NFATC1: variants seen among roughly 807,000 people sequenced by gnomAD.
The protein encoded by NFATC1 is nuclear factor of activated T-cells, cytoplasmic 1.
NFATC1 carries 22 observed loss-of-function variants against 76.0 expected under a neutral mutation model. The ratio of observed to expected loss-of-function variants is 0.29; its 90% CI spans 0.21 to 0.41. The LOEUF (loss-of-function observed/expected upper bound fraction) is 0.41. Among genes scored for constraint, NFATC1 ranks in the 10% least tolerant of loss-of-function variants. The probability of loss-of-function intolerance (pLI) is 1.00; values close to 1 mark genes in which losing one functional copy is unlikely to be tolerated. For synonymous variants in NFATC1, 704 were observed against 613.1 expected (o/e 1.15, Z -2.19); for missense variants, 1,357 against 1,337.7 (o/e 1.01, Z -0.23).
chr18:79,504,054 A>G (rs927148532), intron 9 of NFATC1, among the ~76,000 whole-genome samples: 2 of 152,186 alleles, frequency 1.3e-5, no homozygotes, highest in African/African-American at 2.4e-5. Flanking sequence ...TGGCTGGTTC[A>G]ATCTTCTGTC....
At chr18:79,457,845 C>T (rs773093572) in intron 6 of NFATC1, among the ~76,000 whole-genome samples, 13 of 152,278 alleles carry the variant, frequency 8.5e-5, no homozygotes, top group South Asian at 2.1e-4. Flanking sequence ...TTCTGTGGAG[C>T]GTGGCATCCT....
At chr18:79,406,887 G>A (rs748212280) in intron 1 of NFATC1, among the ~76,000 whole-genome samples, 18 of 152,112 alleles carry the variant, frequency 1.2e-4, no homozygotes, top group East Asian at 5.8e-4. Flanking sequence ...CGCTCCATGC[G>A]GGGCAGACGT....
At chr18:79,429,002 C>T (rs1343351511) in intron 2 of NFATC1, among the ~76,000 whole-genome samples, 4 of 152,192 alleles carry the variant, frequency 2.6e-5, no homozygotes, top group African/African-American at 2.4e-5. Flanking sequence ...GGGCGGATCA[C>T]CTGAGGTCAG....
rs569911768 is a variant in NFATC1 at position 79,524,725 on chromosome 18, A to G, written c.2783-2803A>G. Among the ~76,000 whole-genome samples, 174 of 152,028 alleles carry G rather than the reference A, an allele frequency of 1.1e-3. No individual in the cohort carries two copies. The highest frequency in any genetic ancestry group is 4.1e-3 in the African/African-American group (170 of 41,458). ...GCAAAGGAGGCTGTGGTGGCCCCCGACGGGAACCTGGGTGGCCGGGGGACA... is the reference window on the plus strand; with the variant it reads ...GCAAAGGAGGCTGTGGTGGCCCCCGGCGGGAACCTGGGTGGCCGGGGGACA... On this transcript the variant is annotated intron_variant, in intron 9 of 9. Transcript: ENST00000427363. This position sits in a 1 kb window ranked among gnomAD's most constrained non-coding sequence, Gnocchi z 7.2.
chr18:79,507,597 T>C (rs985638468), intron 9 of NFATC1, among the ~76,000 whole-genome samples: 1 of 152,206 alleles, frequency 6.6e-6, no homozygotes, highest in Non-Finnish European at 1.5e-5. Context: ...TCCCTGGCAG[T>C]GTCTCAGCAG....
chr18:79,486,599 G>T lies in NFATC1; in HGVS notation c.2444G>T (p.Gly815Val). 6.3e-7 allele frequency: 1 copy of T among 1,591,772 alleles called. No individual in the cohort carries two copies. ...RPVATHPGSP[G>V]QPPPALLPQQ... Reference sequence around the variant, plus strand: ...GTGGCCACGCACCCCGGCTCGCCCGGGCAGCCACCCCCGGCCCTGCTGCCA... The same window carrying T: ...GTGGCCACGCACCCCGGCTCGCCCGTGCAGCCACCCCCGGCCCTGCTGCCA... The change falls in exon 9 of 10, where the codon GGG (glycine) becomes GTG (valine). Residue 815 changes from glycine (G) to valine (V), a missense_variant. This residue lies in a region of NFATC1 where 424 missense variants were observed against 395.4 expected (regional missense o/e 1.07). Transcript: ENST00000427363.
chr18:79,478,556 G>A (rs568812768), intron 8 of NFATC1, among the ~76,000 whole-genome samples: 1 of 152,334 alleles, frequency 6.6e-6, no homozygotes, highest in South Asian at 2.1e-4. Context: ...TTACCGGGTA[G>A]GGATGGCAGC....
chr18:79,526,408 C>T (rs911342536), intron 9 of NFATC1, among the ~76,000 whole-genome samples: 9 of 152,254 alleles, frequency 5.9e-5, no homozygotes, highest in Admixed American at 2.0e-4. Flanking sequence ...GCAGGGCCTG[C>T]GGGGAGCCCA....
rs968103699 is a variant in NFATC1 at position 79,458,229 on chromosome 18, G to A, written c.1904-3082G>A. The stretch of plus-strand genomic sequence containing the variant: ...TGGGACAGACTCCTGGGGGAGAGCC[G>A]GGGATGGATGAGACGCCCCAGGGAC... On this transcript the variant is annotated intron_variant, in intron 6 of 9. Coordinates refer to ENST00000427363, the MANE Select transcript of NFATC1 (RefSeq NM_001278669.2). Among the ~76,000 whole-genome samples the A allele has an allele frequency of 1.8e-4, 27 of 151,836 alleles. No individual in the cohort carries two copies. The South Asian group carries it at 3.5e-3, about 20-fold the overall frequency.
intron 9 of NFATC1, among the ~76,000 whole-genome samples, chr18:79,522,623 C>T (rs533623371): frequency 2.0e-5 from 3 of 152,168 alleles, no homozygotes; most frequent in East Asian, 1.9e-4. Context: ...TAAACACCCC[C>T]GCCCCCAGCC....
At position 79,524,577 on chromosome 18, in the gene NFATC1, G is replaced by A. The variant is rs914692279; in HGVS notation, c.2783-2951G>A. Among the ~76,000 whole-genome samples the A allele has an allele frequency of 6.6e-6, 1 of 152,298 alleles. No homozygotes were observed. The highest frequency in any genetic ancestry group is 1.9e-4 in the East Asian group (1 of 5,182). On this transcript the variant is annotated intron_variant, in intron 9 of 9. Transcript: ENST00000427363. The surrounding 1 kb of genome is among the most constrained non-coding windows in gnomAD (Gnocchi z 7.2). ...GCGCTGGGACGGGGTCGGCCCACAC[G>A]CACCGCCAGCCCGCAGGAGTGAGGT...
intron 3 of NFATC1, among the ~76,000 whole-genome samples, chr18:79,446,443 G>A (rs1419168350): frequency 6.6e-6 from 1 of 151,746 alleles, no homozygotes; most frequent in African/African-American, 2.4e-5. Flanking sequence ...TTTTTTCTAT[G>A]TAAATTAAAT....
chr18:79,503,450 ATAT>A (rs751679008), intron 9 of NFATC1, among the ~76,000 whole-genome samples: 6 of 152,218 alleles, frequency 3.9e-5, no homozygotes, highest in East Asian at 3.8e-4. Context: ...GTGAGCAGTA[ATAT>A]TATTAAAGGG....
At chr18:79,520,917 T>A (rs1414093262) in intron 9 of NFATC1, among the ~76,000 whole-genome samples, 2 of 104,944 alleles carry the variant, frequency 1.9e-5, no homozygotes, top group Non-Finnish European at 3.7e-5. Context: ...GAGCATCCAC[T>A]GGTGTGTGTG....
intron 1 of NFATC1, among the ~76,000 whole-genome samples, chr18:79,406,607 G>A (rs2085446810): frequency 6.6e-6 from 1 of 152,250 alleles, no homozygotes; most frequent in African/African-American, 2.4e-5. Flanking sequence ...AAGTGTGGGT[G>A]TGAGTTCCTG....
At chr18:79,439,725 G>A (rs1299187512) in intron 3 of NFATC1, among the ~76,000 whole-genome samples, 1 of 152,142 alleles carries the variant, frequency 6.6e-6, no homozygotes, top group African/African-American at 2.4e-5. Flanking sequence ...GTTGAAGCCC[G>A]AGCCTTCCCC....
chr18:79,458,083 C>A (rs983108934), intron 6 of NFATC1, among the ~76,000 whole-genome samples: 3 of 152,236 alleles, frequency 2.0e-5, no homozygotes, highest in Non-Finnish European at 4.4e-5. Context: ...GTCTCCTGAG[C>A]ACATGCCTCG....
intron 9 of NFATC1, among the ~76,000 whole-genome samples, chr18:79,521,101 C>A (rs1601001755): frequency 2.7e-5 from 2 of 72,850 alleles, no homozygotes; most frequent in Non-Finnish European, 5.0e-5. Context: ...ATGTGTGTGT[C>A]TGTGTGTGTG....
intron 8 of NFATC1, 169 bp downstream of exon 8, chr18:79,467,751 G>C: frequency 9.6e-7 from 1 of 1,041,424 alleles, no homozygotes; most frequent in South Asian, 3.8e-5. Context: ...GAAAGGAAAA[G>C]GGAAGCTTCG....
Sources: gnomAD v4.1 joint callset for allele counts (sites outside exome capture counted in the v4.1 genomes callset) on GRCh38, gnomAD v4.1.1 for gene constraint, gnomAD v4.1.1 regional missense constraint, Gnocchi (gnomAD v3.1) non-coding constraint, MANE v1.5 for transcripts, NCBI Gene and HGNC (gene_info 2026-07-23, HGNC 2026-07-21) for gene names.